The following LINGO1 variants were observed in gnomAD, a reference collection of about 807,000 sequenced individuals.
LINGO1 encodes leucine rich repeat and Ig domain containing 1.
In LINGO1, 11 loss-of-function variants were observed where a neutral mutation model predicts 37.3. The observed-to-expected ratio is 0.29, with a 90% CI of 0.19 to 0.49. LINGO1 has a LOEUF of 0.49. Among genes scored for constraint, LINGO1 ranks in the 20% least tolerant of loss-of-function variants. The pLI is 0.99. For missense variants in LINGO1, 585 were observed against 878.2 expected (o/e 0.67, Z 4.22); for synonymous variants, 387 against 403.0 (o/e 0.96, Z 0.48).
rs887421644 is a variant in LINGO1, at chr15:77,772,792, G to T, written c.-257+14077C>A. Among the ~76,000 whole-genome samples, 4 of 152,278 alleles carry T rather than the reference G, an allele frequency of 2.6e-5. No homozygotes were observed. The East Asian group carries it at 5.8e-4, about 22-fold the overall frequency. ...AAAGCCCTCTTTCCCCCCACCTCCA[G>T]CTGCCTGCCCCCAGCAGCCAAAAAC... On this transcript the variant is annotated intron_variant, in intron 1 of 3. Transcript: ENST00000561686.
chr15:77,732,451 G>A (rs1430218279), intron 2 of LINGO1, among the ~76,000 whole-genome samples: 1 of 152,232 alleles, frequency 6.6e-6, no homozygotes. Flanking sequence ...GCTTGCGTCC[G>A]CATCTCAAGC....
chr15:77,671,434 G>A (rs188313571), intron 3 of LINGO1, among the ~76,000 whole-genome samples: 65 of 152,312 alleles, frequency 4.3e-4, no homozygotes, highest in African/African-American at 1.5e-3. Context: ...TCCCAGGAAG[G>A]CTAAGCCAGA....
At chr15:77,646,520 G>C (rs1271839813) in intron 3 of LINGO1, 1 of 447,048 alleles carries the variant, frequency 2.2e-6, no homozygotes, top group African/African-American at 2.0e-5. Context: ...CGGTAAGTCT[G>C]TAAGCAGGTG....
chr15:77,761,964 C>T (rs1041875201), intron 1 of LINGO1, among the ~76,000 whole-genome samples: 11 of 152,146 alleles, frequency 7.2e-5, no homozygotes, highest in African/African-American at 2.4e-4. Flanking sequence ...CAACTCCACG[C>T]CAGGCCCTGA....
intron 1 of LINGO1, among the ~76,000 whole-genome samples, chr15:77,781,041 T>C (rs990079626): frequency 1.3e-5 from 2 of 152,256 alleles, no homozygotes. Context: ...CTGGGCTGAC[T>C]GTACCTTGGA....
At chr15:77,732,833 G>A (rs1325906110) in intron 2 of LINGO1, among the ~76,000 whole-genome samples, 1 of 152,220 alleles carries the variant, frequency 6.6e-6, no homozygotes, top group Admixed American at 6.5e-5. Context: ...TTCAGGCTCT[G>A]ATCTAGCACA....
intron 2 of LINGO1, among the ~76,000 whole-genome samples, chr15:77,717,881 C>T (rs1269001172): frequency 1.3e-5 from 2 of 150,840 alleles, no homozygotes; most frequent in African/African-American, 2.4e-5. Flanking sequence ...CAAGGGGGCC[C>T]GAGTGGAGAA....
intron 3 of LINGO1, chr15:77,649,138 A>C (rs536175314): frequency 6.6e-6 from 1 of 152,272 alleles, no homozygotes; most frequent in African/African-American, 2.4e-5. Context: ...ATAGGCTAGC[A>C]GTCTGTATTG....
chr15:77,767,390 C>A (rs2076541006), intron 1 of LINGO1, among the ~76,000 whole-genome samples: 1 of 152,176 alleles, frequency 6.6e-6, no homozygotes, highest in South Asian at 2.1e-4. Flanking sequence ...GAAGAAGTTT[C>A]CAGATATGCA....
chr15:77,634,900 C>T (rs1044478599), upstream of LINGO1, among the ~76,000 whole-genome samples: 1 of 152,216 alleles, frequency 6.6e-6, no homozygotes, highest in African/African-American at 2.4e-5. Flanking sequence ...CGCGCAGACC[C>T]GCTGGGGGGC....
At chr15:77,631,639 C>A (rs2074257050) in intron 1 of LINGO1, among the ~76,000 whole-genome samples, 1 of 152,254 alleles carries the variant, frequency 6.6e-6, no homozygotes, top group Non-Finnish European at 1.5e-5. Flanking sequence ...ACCTCCCACC[C>A]GCTCTGCCTT....
At chr15:77,805,376 C>G (rs564443301) in intron 1 of LINGO1, among the ~76,000 whole-genome samples, 1 of 152,334 alleles carries the variant, frequency 6.6e-6, no homozygotes, top group South Asian at 2.1e-4. Flanking sequence ...CCCTCCATCT[C>G]TGGGCCTCAA....
intron 3 of LINGO1, among the ~76,000 whole-genome samples, chr15:77,640,331 G>A (rs897672412): frequency 1.3e-5 from 2 of 152,192 alleles, no homozygotes; most frequent in African/African-American, 4.8e-5. Context: ...GAGAGAAGGC[G>A]TAAATAAGAC....
intron 3 of LINGO1, among the ~76,000 whole-genome samples, chr15:77,672,643 C>T (rs562879162): frequency 2.6e-5 from 4 of 152,282 alleles, no homozygotes; most frequent in Admixed American, 6.5e-5. Flanking sequence ...ACCTGTGAGG[C>T]GATGACCCTG....
intron 2 of LINGO1, among the ~76,000 whole-genome samples, chr15:77,682,277 A>AGTGTGTGTGTGTGTGTGTGTGTGTGTGT (rs10581838): frequency 5.7e-5 from 8 of 139,832 alleles, no homozygotes; most frequent in Admixed American, 1.4e-4. Flanking sequence ...TAGAGATTAA[A>AGTGTGTGTGTGTGTGTGTGTGTGTGTGT]GTGTGTGTGT....
chr15:77,752,455 T>C (rs1319754827), intron 1 of LINGO1, among the ~76,000 whole-genome samples: 1 of 152,148 alleles, frequency 6.6e-6, no homozygotes, highest in Non-Finnish European at 1.5e-5. Context: ...CACAAATCGA[T>C]GGGCAGCAAG....
Position 77,646,652 on chromosome 15 carries a change from C to A in LINGO1, c.-13+30437G>T, listed in dbSNP as rs552055399. Reference sequence around the variant, plus strand: ...AAACCACCTTTTCCCCTGCCAGGGTCTGCCCCAATTATTCGCTCATCTCCA... The same window carrying A: ...AAACCACCTTTTCCCCTGCCAGGGTATGCCCCAATTATTCGCTCATCTCCA... On this transcript the variant is annotated intron_variant, in intron 3 of 3. Transcript: ENST00000559893. The A allele has an allele frequency of 3.6e-4, 107 of 301,398 alleles. 2 individuals carry two copies. Among genetic ancestry groups the A allele is most frequent in the South Asian group, 3.0e-3 (107 of 35,580 alleles). The allele number at this position is 301,398 out of a possible 1,614,324, so 18.7% of individuals were successfully genotyped here.
At chr15:77,631,114 G>A (rs955530533) in intron 1 of LINGO1, among the ~76,000 whole-genome samples, 10 of 152,206 alleles carry the variant, frequency 6.6e-5, no homozygotes, top group Non-Finnish European at 1.2e-4. Flanking sequence ...TGGGTGTCCC[G>A]GCTCATTGCT....
At chr15:77,658,719 G>C (rs1479902226) in intron 3 of LINGO1, among the ~76,000 whole-genome samples, 2 of 152,234 alleles carry the variant, frequency 1.3e-5, no homozygotes, top group Non-Finnish European at 2.9e-5. Flanking sequence ...CCTCGGTTCT[G>C]GGCAAACCAG....
Sources: gnomAD v4.1 joint callset for allele counts (sites outside exome capture counted in the v4.1 genomes callset) on GRCh38, gnomAD v4.1.1 for gene constraint, MANE v1.5 for transcripts, NCBI Gene and HGNC (gene_info 2026-07-23, HGNC 2026-07-21) for gene names.